BNC2: variants seen among roughly 807,000 people sequenced by gnomAD.
BNC2 encodes basonuclin zinc finger protein 2.
A neutral mutation model predicts 76.3 loss-of-function variants in BNC2; 20 were observed. The ratio of observed to expected loss-of-function variants is 0.26; its 90% CI spans 0.18 to 0.38. The LOEUF (loss-of-function observed/expected upper bound fraction) is 0.38. Among genes scored for constraint, BNC2 ranks in the 10% least tolerant of loss-of-function variants. BNC2 has a pLI of 1.00. For synonymous variants in BNC2, 582 were observed against 514.8 expected (o/e 1.13, Z -1.77); for missense variants, 1,382 against 1,399.8 (o/e 0.99, Z 0.20).
intron 4 of BNC2, among the ~76,000 whole-genome samples, chr9:16,554,683 C>CT (rs1818768747): frequency 6.6e-6 from 1 of 152,176 alleles, no homozygotes; most frequent in Non-Finnish European, 1.5e-5. Context: ...TACAGCTTAA[C>CT]TACTCAGCCT....
At chr9:16,525,883 A>AT (rs763335364) in intron 5 of BNC2, among the ~76,000 whole-genome samples, 28 of 151,316 alleles carry the variant, frequency 1.9e-4, no homozygotes, top group African/African-American at 6.1e-4. Flanking sequence ...CCTTTATATA[A>AT]TTTTTTTTTG....
At chr9:16,445,025 A>G (rs1587034914) in intron 5 of BNC2, among the ~76,000 whole-genome samples, 1 of 152,284 alleles carries the variant, frequency 6.6e-6, no homozygotes, top group African/African-American at 2.4e-5. Flanking sequence ...TTGTGTGTCT[A>G]TGTGCCTGCA....
chr9:16,488,346 G>A (rs1019206267), intron 5 of BNC2, among the ~76,000 whole-genome samples: 4 of 152,148 alleles, frequency 2.6e-5, no homozygotes, highest in African/African-American at 9.7e-5. Flanking sequence ...TCAGAGTGGT[G>A]ACAACAGTAC....
At chr9:16,435,350 T>C (rs545901954) in intron 6 of BNC2, among the ~76,000 whole-genome samples, 1 of 152,114 alleles carries the variant, frequency 6.6e-6, no homozygotes, top group South Asian at 2.1e-4. Flanking sequence ...AGATGGCACA[T>C]GATTCTGCAT....
intron 5 of BNC2, among the ~76,000 whole-genome samples, chr9:16,508,234 C>G (rs185453882): frequency 1.3e-5 from 2 of 152,174 alleles, no homozygotes; most frequent in Non-Finnish European, 2.9e-5. Flanking sequence ...TATTCTGCTC[C>G]ATAGGTCCTC....
intron 3 of BNC2, among the ~76,000 whole-genome samples, chr9:16,696,006 C>T (rs1360711430): frequency 6.6e-6 from 1 of 152,308 alleles, no homozygotes; most frequent in East Asian, 1.9e-4. Context: ...ATTTCCTGAA[C>T]CCAGTCAGTT....
chr9:16,714,575 T>C (rs1020171407), intron 3 of BNC2, among the ~76,000 whole-genome samples: 2 of 152,256 alleles, frequency 1.3e-5, no homozygotes, highest in African/African-American at 2.4e-5. Context: ...TTTTCTCCAG[T>C]TGAGTTCTTC....
chr9:16,745,833 G>A (rs187272664), intron 1 of BNC2, among the ~76,000 whole-genome samples: 1 of 152,212 alleles, frequency 6.6e-6, no homozygotes, highest in African/African-American at 2.4e-5. Context: ...GGGCCCTGCT[G>A]GAAGTACAGA....
chr9:16,688,581 C>T (rs1337956060), intron 3 of BNC2, among the ~76,000 whole-genome samples: 1 of 152,052 alleles, frequency 6.6e-6, no homozygotes, highest in African/African-American at 2.4e-5. Context: ...GTACAAAGTT[C>T]TACAAAGATT....
intron 1 of BNC2, among the ~76,000 whole-genome samples, chr9:16,807,816 T>C (rs1017591633): frequency 6.6e-6 from 1 of 152,222 alleles, no homozygotes; most frequent in Admixed American, 6.5e-5. Context: ...CTGTCTAGAA[T>C]GCCTTTTTTC....
chr9:16,454,474 A>G (rs1393824048), intron 5 of BNC2, among the ~76,000 whole-genome samples: 1 of 151,966 alleles, frequency 6.6e-6, no homozygotes, highest in Non-Finnish European at 1.5e-5. Context: ...CTAATTTTTT[A>G]TTTTAGTTGT....
intron 2 of BNC2, among the ~76,000 whole-genome samples, chr9:16,732,963 C>T (rs1824558960): frequency 6.6e-6 from 1 of 152,232 alleles, no homozygotes; most frequent in East Asian, 1.9e-4. Flanking sequence ...AAATGTTTTG[C>T]CCTCTCTTAA....
Position 16,516,836 on chromosome 9 carries a change from TAGTAAAATA to T in BNC2, c.669+35685_669+35693del, listed in dbSNP as rs545908025. The stretch of plus-strand genomic sequence containing the variant: ...GCATCTCTTATGCTTATTCCAAATG[TAGTAAAATA>T]ATCAGGTGATTCTAACTCTAAATGA... On this transcript the variant is annotated intron_variant, in intron 5 of 6. Transcript: ENST00000380672. 3.9e-5 allele frequency among the ~76,000 whole-genome samples: 6 copies of T among 152,340 alleles called. No individual in the cohort carries two copies. The East Asian group carries it at 1.2e-3, about 29-fold the overall frequency.
In BNC2 at chr9:16,418,362, T is replaced by C. The variant is rs979471265; in HGVS notation, c.*627A>G. On this transcript the variant is annotated 3_prime_UTR_variant, in exon 7 of 7. Coordinates refer to ENST00000380672, the MANE Select transcript of BNC2 (RefSeq NM_017637.6). ...AGCTAGCCAGCAAACTATCTTTTCC[T>C]GCATATCTAACAGCTGGATGTAACT... The C allele has an allele frequency of 6.5e-6, 1 of 152,798 alleles. No individual in the cohort carries two copies. Among genetic ancestry groups the C allele is most frequent in the Non-Finnish European group, 1.5e-5 (1 of 68,184 alleles). The allele number at this position is 152,798 out of a possible 1,614,324, so 9.5% of individuals were successfully genotyped here. A position where few individuals can be genotyped will look rare whatever the true frequency, so the allele number is the denominator to read the frequency against.
chr9:16,767,108 AG>A (rs1303412929), intron 1 of BNC2, among the ~76,000 whole-genome samples: 4 of 152,246 alleles, frequency 2.6e-5, no homozygotes, highest in East Asian at 1.9e-4. Flanking sequence ...AGGAGAATCT[AG>A]GAAGATCGTA....
chr9:16,729,533 C>T (rs1824446423), intron 2 of BNC2, among the ~76,000 whole-genome samples: 1 of 150,696 alleles, frequency 6.6e-6, no homozygotes, highest in South Asian at 2.1e-4. Flanking sequence ...CTCCTGAAAG[C>T]TTTTCTGTTA....
At chr9:16,855,598 C>T (rs780397541) in intron 1 of BNC2, among the ~76,000 whole-genome samples, 9 of 152,176 alleles carry the variant, frequency 5.9e-5, no homozygotes, top group Admixed American at 2.6e-4. Context: ...AGTGCAGCGG[C>T]GCAATCTCGG....
rs756087849 is a variant in BNC2, at chr9:16,436,562, G to C, written c.1632C>G (p.Pro544=). The change falls in exon 6 of 7, where the codon CCC becomes CCG. Residue 544 remains proline, a synonymous_variant. Coordinates refer to ENST00000380672, the MANE Select transcript of BNC2 (RefSeq NM_017637.6). ...GATTTTGCAAGACAGGGTCTAGAGG[G>C]GGAGTGGTAAAACCCATTGGGGGTC... ...PGRPPMGFTT[P]PLDPVLQNPL... 3 of 1,613,990 alleles carry C rather than the reference G, an allele frequency of 1.9e-6. No homozygotes were observed. Among genetic ancestry groups the C allele is most frequent in the Non-Finnish European group, 1.7e-6 (2 of 1,180,022 alleles).
intron 1 of BNC2, chr9:16,867,230 A>G (rs2136235241): frequency 1.3e-5 from 2 of 152,316 alleles, no homozygotes; most frequent in South Asian, 4.1e-4. Flanking sequence ...TCAGGAAAAA[A>G]ACACTTCATG....
Sources: gnomAD v4.1 joint callset for allele counts (sites outside exome capture counted in the v4.1 genomes callset) on GRCh38, gnomAD v4.1.1 for gene constraint, MANE v1.5 for transcripts, NCBI Gene and HGNC (gene_info 2026-07-23, HGNC 2026-07-21) for gene names.